The following KRT25 variants were observed in gnomAD, a reference collection of about 807,000 sequenced individuals.
The protein encoded by KRT25 is keratin, type I cytoskeletal 25.
Under a neutral mutation model 47.6 loss-of-function variants are expected in KRT25, and 37 were observed. The observed-to-expected ratio is 0.78, with a 90% CI of 0.60 to 1.02. The LOEUF (loss-of-function observed/expected upper bound fraction) is 1.02. KRT25 is among the 50% of genes least tolerant of loss of function. The probability of loss-of-function intolerance (pLI) is 0.00; values close to 1 mark genes in which losing one functional copy is unlikely to be tolerated. For missense variants in KRT25, 542 were observed against 550.3 expected, an observed-to-expected ratio of 0.98 and a Z score of 0.15; for synonymous variants, 203 against 210.2, an observed-to-expected ratio of 0.97 and a Z score of 0.30.
At chr17:40,753,391 T>C (rs2038068810) in intron 3 of KRT25, among the ~76,000 whole-genome samples, 1 of 151,664 alleles carries the variant, frequency 6.6e-6, no homozygotes, top group East Asian at 1.9e-4. Context: ...GTACAAAGAA[T>C]CTGACACTTA....
At chr17:40,751,750 T>C (rs538106883) in intron 3 of KRT25, among the ~76,000 whole-genome samples, 2 of 152,214 alleles carry the variant, frequency 1.3e-5, no homozygotes, top group African/African-American at 4.8e-5. Flanking sequence ...GAGGCCAGCT[T>C]TGGTGCAGTG....
At chr17:40,753,501 C>T (rs1284861337) in intron 3 of KRT25, among the ~76,000 whole-genome samples, 1 of 151,362 alleles carries the variant, frequency 6.6e-6, no homozygotes, top group East Asian at 1.9e-4. Flanking sequence ...TCGAGACCAT[C>T]CTGGCTTACA....
At chr17:40,750,295 A>T (rs1003297115) in intron 6 of KRT25, 85 bp downstream of exon 6, 41 of 1,363,568 alleles carry the variant, frequency 3.0e-5, no homozygotes, top group Non-Finnish European at 4.3e-5. Flanking sequence ...CAGCCAAATT[A>T]TGTCCGCTTT....
chr17:40,751,757 A>AG (rs2038050273), intron 3 of KRT25, among the ~76,000 whole-genome samples: 1 of 152,132 alleles, frequency 6.6e-6, no homozygotes, highest in Non-Finnish European at 1.5e-5. Context: ...GCTTTGGTGC[A>AG]GTGTTAACTC....
chr17:40,748,262 C>G lies in KRT25; in HGVS notation c.*15G>C. The stretch of plus-strand genomic sequence containing the variant: ...GCAGGGGCTATGTGGCATACGTTCT[C>G]TGTTGCATCTCAAATTAATTGCTTT... On this transcript the variant is annotated 3_prime_UTR_variant, in exon 8 of 8. Coordinates refer to ENST00000312150, the MANE Select transcript of KRT25 (RefSeq NM_181534.4). 6.4e-7 allele frequency: 1 copy of G among 1,554,036 alleles called. No individual in the cohort carries two copies. The highest frequency in any genetic ancestry group is 8.9e-7 in the Non-Finnish European group (1 of 1,128,690).
At chr17:40,749,932 A>G (rs2038030448) in intron 6 of KRT25, among the ~76,000 whole-genome samples, 2 of 152,152 alleles carry the variant, frequency 1.3e-5, no homozygotes, top group South Asian at 4.2e-4. Context: ...GCACAGAAGA[A>G]CTTTCTGGGG....
intron 3 of KRT25, 80 bp downstream of exon 3, chr17:40,753,780 T>G: frequency 1.4e-4 from 162 of 1,151,176 alleles, no homozygotes; most frequent in Middle Eastern, 2.2e-4. Context: ...ACTTTTTATA[T>G]GAGAGGTTAT....
intron 7 of KRT25, 33 bp downstream of exon 7, chr17:40,749,225 T>A (rs10491127): frequency 1.3e-6 from 2 of 1,516,676 alleles, no homozygotes; most frequent in Non-Finnish European, 1.8e-6. Flanking sequence ...AAATAAAAAA[T>A]TAGCATTGCA....
chr17:40,751,025 G>A lies in KRT25; in HGVS notation c.886C>T (p.Arg296Trp). ...SEDVGATTSA[R>W]NELTEMKRTL... Reference sequence around the variant, plus strand: ...CGCTTCATTTCAGTCAGCTCATTCCGGGCTGAGGTTGTGGCTCCGACATCC... The same window carrying A: ...CGCTTCATTTCAGTCAGCTCATTCCAGGCTGAGGTTGTGGCTCCGACATCC... Residue 296 changes from arginine to tryptophan, a missense_variant, in exon 5 of 8, where the codon CGG becomes TGG. Physicochemically the swap from Arg to Trp is moderately radical, Grantham distance 101 (BLOSUM62 -3). Transcript: ENST00000312150. The A allele has an allele frequency of 1.2e-6, 2 of 1,614,094 alleles. No homozygotes were observed. Among genetic ancestry groups the A allele is most frequent in the East Asian group, 2.2e-5 (1 of 44,872 alleles).
Position 40,753,652 on chromosome 17 carries a change from T to C in KRT25, c.669+208A>G, listed in dbSNP as rs12950911. On this transcript the variant is annotated intron_variant, in intron 3 of 7. Coordinates refer to ENST00000312150, the MANE Select transcript of KRT25 (RefSeq NM_181534.4). ...TGAGCCAAGATCGCACCATTGCACT[T>C]CAGCCTGGACGGCAGAGCGAGACTC... Among the ~76,000 whole-genome samples, 51,007 of 130,396 alleles carry C rather than the reference T, an allele frequency of 0.39. 9,706 individuals carry two copies. Among genetic ancestry groups the C allele is most frequent in the East Asian group, 0.68 (3,132 of 4,632 alleles). 85.5% of individuals were successfully genotyped at this position (130,396 alleles called of 152,430 possible).
At chr17:40,751,694 C>T (rs2038049651) in intron 3 of KRT25, among the ~76,000 whole-genome samples, 1 of 152,166 alleles carries the variant, frequency 6.6e-6, no homozygotes, top group Admixed American at 6.5e-5. Context: ...GGTCCTCCAT[C>T]GCTTATTCTA....
At chr17:40,751,381 G>A in intron 3 of KRT25, 55 bp from the exon 4 acceptor site, 1 of 1,533,758 alleles carries the variant, frequency 6.5e-7, no homozygotes, top group Non-Finnish European at 8.7e-7. Flanking sequence ...GGAAAGTCTA[G>A]AAGCTTAGCT....
chr17:40,753,093 G>A (rs989655203), intron 3 of KRT25, among the ~76,000 whole-genome samples: 2 of 152,158 alleles, frequency 1.3e-5, no homozygotes, highest in Non-Finnish European at 2.9e-5. Context: ...ATGTACTAGC[G>A]TTAAGTATGT....
chr17:40,750,898 C>T, intron 5 of KRT25, 56 bp downstream of exon 5: 3 of 1,582,780 alleles, frequency 1.9e-6, no homozygotes, highest in Non-Finnish European at 1.7e-6. Flanking sequence ...AACCAGCTGG[C>T]AAGTATCTAA....
rs1039351826 is a variant in KRT25, at chr17:40,748,133, G to A, written c.*144C>T. The A allele has an allele frequency of 2.8e-5, 15 of 533,714 alleles. No homozygotes were observed. The highest frequency in any genetic ancestry group is 4.9e-5 in the Non-Finnish European group (15 of 304,148). 33.1% of individuals were successfully genotyped at this position (533,714 alleles called of 1,614,324 possible). A position where few individuals can be genotyped will look rare whatever the true frequency, so the allele number is the denominator to read the frequency against. On this transcript the variant is annotated 3_prime_UTR_variant, in exon 8 of 8. Coordinates refer to ENST00000312150, the MANE Select transcript of KRT25 (RefSeq NM_181534.4). ...CATTCTTCTAGATGAATGGGGAGATGCTGTCATTGATTGCCCAGAAAGAAA... is the reference window on the plus strand; with the variant it reads ...CATTCTTCTAGATGAATGGGGAGATACTGTCATTGATTGCCCAGAAAGAAA...
At position 40,755,228 on chromosome 17, in the gene KRT25, C is replaced by T. The variant is rs764229220; in HGVS notation, c.44G>A (p.Arg15His). Residue 15 changes from arginine to histidine, a missense_variant, in exon 1 of 8, where the codon CGT becomes CAT. Physicochemically the swap from Arg to His is conservative, Grantham distance 29 (BLOSUM62 0). Coordinates refer to ENST00000312150, the MANE Select transcript of KRT25 (RefSeq NM_181534.4). ...GAGTCTGAGTGATCCAGTGGTGGGA[C>T]GAGGACAGGACCTCCTGGATGCACT... is the stretch of plus-strand genomic sequence containing the variant. ...LSSASRRSCP[R>H]PTTGSLRLYG... The T allele has an allele frequency of 4.3e-6, 7 of 1,614,060 alleles. No homozygotes were observed. Among genetic ancestry groups the T allele is most frequent in the African/African-American group, 1.3e-5 (1 of 75,048 alleles).
intron 3 of KRT25, among the ~76,000 whole-genome samples, chr17:40,751,897 T>C (rs954556401): frequency 1.1e-4 from 17 of 151,564 alleles, no homozygotes; most frequent in South Asian, 4.2e-4. Context: ...TGTGTGTGTG[T>C]GTGTGTGTGT....
In KRT25 at chr17:40,754,262, A is replaced by C. The variant is rs536845073; in HGVS notation, c.512+124T>G. 5.8e-6 allele frequency: 5 copies of C among 864,328 alleles called. No individual in the cohort carries two copies. In the South Asian group the frequency reaches 8.1e-5, roughly 14 times the overall value. The allele number at this position is 864,328 out of a possible 1,614,324, so 53.5% of individuals were successfully genotyped here. On this transcript the variant is annotated intron_variant, in intron 2 of 7. Coordinates refer to ENST00000312150, the MANE Select transcript of KRT25 (RefSeq NM_181534.4). ...GTATTTAATAGTCAAAGCATAAAAA[A>C]GTAATAACATCCTGTTTATGTGAAA...
rs1374869450 is a variant in KRT25, at chr17:40,749,345, G to GA, written c.1176-21dup. 6.3e-7 allele frequency: 1 copy of GA among 1,588,062 alleles called. No homozygotes were observed. ...CAGGCTCTGTGAAAACATCGCAAAA[G>GA]AGGGTGATTTAGAGAGAACCCCATC... On this transcript the variant is annotated intron_variant, in intron 6 of 7. Coordinates refer to ENST00000312150, the MANE Select transcript of KRT25 (RefSeq NM_181534.4).
Sources: gnomAD v4.1 joint callset for allele counts (sites outside exome capture counted in the v4.1 genomes callset) on GRCh38, gnomAD v4.1.1 for gene constraint, MANE v1.5 for transcripts, NCBI Gene and HGNC (gene_info 2026-07-23, HGNC 2026-07-21) for gene names.